Variants in PM20D1 observed in about 807,000 individuals in gnomAD.
PM20D1 encodes peptidase M20 domain containing 1.
In PM20D1, 53 loss-of-function variants were observed where a neutral mutation model predicts 53.8. The ratio of observed to expected loss-of-function variants is 0.98; its 90% CI spans 0.79 to 1.24. The LOEUF (loss-of-function observed/expected upper bound fraction) is 1.24. Ranked by LOEUF, PM20D1 falls within the 50% of genes most tolerant of loss-of-function variation. The pLI is 0.00. For missense variants in PM20D1, 564 were observed against 616.8 expected, an observed-to-expected ratio of 0.91 and a Z score of 0.91; for synonymous variants, 239 against 241.3, an observed-to-expected ratio of 0.99 and a Z score of 0.09.
intron 9 of PM20D1, among the ~76,000 whole-genome samples, chr1:205,840,557 C>T (rs1452825838): frequency 1.3e-5 from 2 of 152,218 alleles, no homozygotes; most frequent in African/African-American, 4.8e-5. Context: ...CTTGGTGCTG[C>T]AGGGGGTCAC....
chr1:205,834,961 A>C (rs529544186), intron 10 of PM20D1, among the ~76,000 whole-genome samples: 2 of 152,330 alleles, frequency 1.3e-5, no homozygotes, highest in African/African-American at 4.8e-5. Context: ...GGATACATAA[A>C]ATTTAAAAGA....
At chr1:205,844,536 C>T (rs1481366366) in intron 4 of PM20D1, among the ~76,000 whole-genome samples, 2 of 152,048 alleles carry the variant, frequency 1.3e-5, no homozygotes, top group African/African-American at 2.4e-5. Context: ...TTTTCCATCA[C>T]ACGTATGTTT....
rs746974972 is a variant in PM20D1, at chr1:205,832,614, G to T, written c.1269C>A (p.Val423=). 1.9e-6 allele frequency: 3 copies of T among 1,614,132 alleles called. No homozygotes were observed. In the Admixed American group the frequency reaches 5.0e-5, roughly 27 times the overall value. ...AGTCATTACCTGGGGCAGTAATATT[G>T]ACTTCCGGGAAGACGGACTGTACGG... The part of the protein sequence containing the change: ...RQTVQSVFPE[V]NITAPVTSIG... Residue 423 remains valine (V), a synonymous_variant, in exon 11 of 13, where the codon GTC becomes GTA. Transcript: ENST00000367136.
intron 10 of PM20D1, among the ~76,000 whole-genome samples, chr1:205,838,174 G>A (rs960869519): frequency 1.1e-4 from 17 of 152,304 alleles, no homozygotes; most frequent in African/African-American, 4.1e-4. Flanking sequence ...ATGATCTGTG[G>A]CACAGAACTG....
At chr1:205,833,382 G>A (rs544423864) in intron 10 of PM20D1, among the ~76,000 whole-genome samples, 1 of 152,310 alleles carries the variant, frequency 6.6e-6, no homozygotes, top group South Asian at 2.1e-4. Flanking sequence ...CTTCAGCCTC[G>A]GAGAACCTCA....
intron 10 of PM20D1, among the ~76,000 whole-genome samples, chr1:205,835,345 AGCCT>A (rs1656659604): frequency 6.6e-6 from 1 of 152,202 alleles, no homozygotes; most frequent in African/African-American, 2.4e-5. Flanking sequence ...TCTGTGCCTC[AGCCT>A]GCCTATCTGT....
chr1:205,840,730 G>A (rs951176202), intron 9 of PM20D1, among the ~76,000 whole-genome samples: 1 of 152,222 alleles, frequency 6.6e-6, no homozygotes, highest in Non-Finnish European at 1.5e-5. Flanking sequence ...GGGGCAGCCA[G>A]AGCCTCTGTT....
At chr1:205,849,051 T>G (rs34439790) in intron 1 of PM20D1, among the ~76,000 whole-genome samples, 12,902 of 152,324 alleles carry the variant, frequency 0.085, 879 homozygotes, top group East Asian at 0.43. Flanking sequence ...CCTCCCAGGC[T>G]TGTCACTCTA....
chr1:205,849,536 A>G (rs1354541159), intron 1 of PM20D1, among the ~76,000 whole-genome samples: 1 of 152,086 alleles, frequency 6.6e-6, no homozygotes, highest in Non-Finnish European at 1.5e-5. Context: ...TTATTTTACG[A>G]CACCGCAGTA....
At chr1:205,844,961 C>A in intron 3 of PM20D1, 64 bp from the exon 4 acceptor site, 1 of 1,386,000 alleles carries the variant, frequency 7.2e-7, no homozygotes, top group South Asian at 1.2e-5. Context: ...ACCAGGGTAT[C>A]AGAGACATTC....
At chr1:205,846,509 C>T (rs1170872671) in intron 2 of PM20D1, among the ~76,000 whole-genome samples, 6 of 152,150 alleles carry the variant, frequency 3.9e-5, no homozygotes, top group African/African-American at 7.2e-5. Context: ...TAAATTTTGA[C>T]CATAGGAGGC....
chr1:205,832,781 C>A lies in PM20D1; in HGVS notation c.1117-15G>T, dbSNP rs781174658. The A allele has an allele frequency of 6.5e-6, 10 of 1,547,720 alleles. No homozygotes were observed. In the Admixed American group the frequency reaches 2.0e-4, roughly 32 times the overall value. On this transcript the variant is annotated splice_polypyrimidine_tract_variant and intron_variant, in intron 10 of 12. Coordinates refer to ENST00000367136, the MANE Select transcript of PM20D1 (RefSeq NM_152491.5). ...AGTTCTAGGACCTCCAGGGTAGAAACAAAGGGGGTTCGATTTCTTATTGAT... is the reference window on the plus strand; with the variant it reads ...AGTTCTAGGACCTCCAGGGTAGAAAAAAAGGGGGTTCGATTTCTTATTGAT...
intron 5 of PM20D1, 22 bp downstream of exon 5, chr1:205,844,065 T>A (rs200199700): frequency 6.3e-7 from 1 of 1,596,072 alleles, no homozygotes; most frequent in South Asian, 1.1e-5. Context: ...CTCCAAGGTG[T>A]GGGGTGGGAT....
At chr1:205,843,551 A>T in intron 6 of PM20D1, 116 bp downstream of exon 6, 2 of 1,435,748 alleles carry the variant, frequency 1.4e-6, no homozygotes, top group Non-Finnish European at 9.3e-7. Flanking sequence ...TTTTTATAGC[A>T]TAGTTTCCCA....
intron 1 of PM20D1, 70 bp downstream of exon 1, chr1:205,849,834 G>GGT: frequency 6.6e-7 from 1 of 1,522,174 alleles, no homozygotes; most frequent in Non-Finnish European, 8.9e-7. Context: ...GAAGCGGGGA[G>GGT]TCACGGGTTG....
At chr1:205,830,122 G>A (rs115325902) in intron 12 of PM20D1, 158 bp downstream of exon 12, 325 of 573,154 alleles carry the variant, frequency 5.7e-4, no homozygotes, top group African/African-American at 5.5e-3. Context: ...TGGCAATAAG[G>A]ACAGTAGATG....
At chr1:205,845,652 T>G in intron 2 of PM20D1, 95 bp from the exon 3 acceptor site, 1 of 1,054,234 alleles carries the variant, frequency 9.5e-7, no homozygotes, top group African/African-American at 1.6e-5. Flanking sequence ...ATTTATTTAT[T>G]TTTTTAAACA....
chr1:205,839,619 G>T (rs1413580487), intron 10 of PM20D1, among the ~76,000 whole-genome samples: 1 of 152,066 alleles, frequency 6.6e-6, no homozygotes, highest in Non-Finnish European at 1.5e-5. Context: ...GCCGAGGCGG[G>T]TGGCTCACAA....
chr1:205,846,157 G>A (rs556944767), intron 2 of PM20D1, among the ~76,000 whole-genome samples: 151 of 151,706 alleles, frequency 1.0e-3, no homozygotes, highest in Non-Finnish European at 1.9e-3. Context: ...AGGCTGAGGC[G>A]GGCAGATCAC....
Sources: gnomAD v4.1 joint callset for allele counts (sites outside exome capture counted in the v4.1 genomes callset) on GRCh38, gnomAD v4.1.1 for gene constraint, MANE v1.5 for transcripts, NCBI Gene and HGNC (gene_info 2026-07-23, HGNC 2026-07-21) for gene names.